Variants in SHQ1 observed in about 807,000 individuals in gnomAD.
SHQ1 encodes SHQ1, H/ACA ribonucleoprotein assembly factor, also known as protein SHQ1 homolog.
A neutral mutation model predicts 53.8 loss-of-function variants in SHQ1; 49 were observed. The observed-to-expected ratio is 0.91, with a 90% CI of 0.72 to 1.16. The LOEUF (loss-of-function observed/expected upper bound fraction) is 1.16, where lower values mean the gene tolerates loss of function less well. SHQ1 is among the 50% of genes most tolerant of loss of function. The probability of loss-of-function intolerance (pLI) is 0.00; values close to 1 mark genes in which losing one functional copy is unlikely to be tolerated. For synonymous variants in SHQ1, 243 were observed against 251.0 expected (o/e 0.97, Z 0.30); for missense variants, 738 against 683.1 (o/e 1.08, Z -0.90).
At chr3:72,814,173 C>T (rs1396786547) in intron 8 of SHQ1, among the ~76,000 whole-genome samples, 5 of 152,268 alleles carry the variant, frequency 3.3e-5, no homozygotes, top group African/African-American at 1.2e-4. Flanking sequence ...GAATTAGGAA[C>T]TTAAAAATCA....
At chr3:72,834,678 G>A (rs1038857268) in intron 4 of SHQ1, among the ~76,000 whole-genome samples, 3 of 152,160 alleles carry the variant, frequency 2.0e-5, no homozygotes, top group African/African-American at 7.2e-5. Context: ...ACTTTTTGGA[G>A]AATTAGAATA....
chr3:72,741,883 T>C, the SHQ1 span, among the ~76,000 whole-genome samples: 1 of 152,132 alleles, frequency 6.6e-6, no homozygotes, highest in Non-Finnish European at 1.5e-5. Flanking sequence ...GCATTTACAT[T>C]GTATTAGGTA....
intron 8 of SHQ1, chr3:72,814,510 A>G (rs1160724795): frequency 6.6e-6 from 1 of 152,196 alleles, no homozygotes; most frequent in African/African-American, 2.4e-5. Context: ...TTGGAGTAGT[A>G]AGATTCTATA....
chr3:72,726,411 G>A, the SHQ1 span, among the ~76,000 whole-genome samples: 1 of 152,096 alleles, frequency 6.6e-6, no homozygotes, highest in Non-Finnish European at 1.5e-5. Flanking sequence ...GATCAGCAAT[G>A]GCGTGATCTT....
At chr3:72,783,627 A>G (rs1184679796) in intron 10 of SHQ1, among the ~76,000 whole-genome samples, 3 of 152,140 alleles carry the variant, frequency 2.0e-5, no homozygotes, top group Non-Finnish European at 2.9e-5. Flanking sequence ...AGCTTTCTCT[A>G]TTTTTATCAA....
At chr3:72,799,897 C>T (rs1303777540) in intron 9 of SHQ1, among the ~76,000 whole-genome samples, 1 of 152,064 alleles carries the variant, frequency 6.6e-6, no homozygotes, top group Non-Finnish European at 1.5e-5. Flanking sequence ...TCAAATCAGG[C>T]ATTACTTTTT....
intron 1 of SHQ1, 89 bp from the exon 2 acceptor site, chr3:72,844,512 A>G (rs1049573307): frequency 2.8e-5 from 27 of 951,378 alleles, no homozygotes; most frequent in Non-Finnish European, 4.5e-5. Flanking sequence ...AACCATCAAA[A>G]TATATCAATC....
At chr3:72,830,738 C>G (rs1400338399) in intron 5 of SHQ1, among the ~76,000 whole-genome samples, 2 of 152,062 alleles carry the variant, frequency 1.3e-5, no homozygotes, top group Non-Finnish European at 2.9e-5. Flanking sequence ...TTAAACCATT[C>G]TTGTAAGAAC....
chr3:72,792,552 G>A (rs530228435), intron 10 of SHQ1, among the ~76,000 whole-genome samples: 2 of 152,144 alleles, frequency 1.3e-5, no homozygotes, highest in South Asian at 4.2e-4. Flanking sequence ...CTGGGAGGCC[G>A]AGGTGGGTGG....
chr3:72,794,311 A>G (rs1706533720), intron 9 of SHQ1: 4 of 152,210 alleles, frequency 2.6e-5, no homozygotes. Flanking sequence ...TTAACACTAG[A>G]AAGTAAGTTT....
rs147658472 is a variant in SHQ1, at chr3:72,828,650, G to A, written c.599+3719C>T. On this transcript the variant is annotated intron_variant, in intron 5 of 10. Transcript: ENST00000325599. Reference sequence around the variant, plus strand: ...GCAGAGGCTGTGGTGAGCCAAGATCGCACCACTGCACTCCAGCCTGGGCGA... The same window carrying A: ...GCAGAGGCTGTGGTGAGCCAAGATCACACCACTGCACTCCAGCCTGGGCGA... Among the ~76,000 whole-genome samples the A allele has an allele frequency of 7.2e-3, 1,092 of 152,132 alleles. 15 individuals carry two copies. The highest frequency in any genetic ancestry group is 0.024 in the African/African-American group (1,008 of 41,516).
chr3:72,810,234 G>C (rs147792376), intron 9 of SHQ1, among the ~76,000 whole-genome samples: 1 of 152,176 alleles, frequency 6.6e-6, no homozygotes, highest in Non-Finnish European at 1.5e-5. Context: ...GGCAAAGCAG[G>C]ATTTCCTGCC....
chr3:72,751,172 A>G (rs1705357330), intron 10 of SHQ1, among the ~76,000 whole-genome samples: 1 of 152,130 alleles, frequency 6.6e-6, no homozygotes, highest in Non-Finnish European at 1.5e-5. Flanking sequence ...GCACTTTGGG[A>G]GGCTGAGGCG....
chr3:72,822,875 C>T (rs954955791), intron 6 of SHQ1, among the ~76,000 whole-genome samples: 2 of 152,070 alleles, frequency 1.3e-5, no homozygotes, highest in Non-Finnish European at 2.9e-5. Context: ...ATAGGCCGGG[C>T]GCGGGAGCTC....
intron 10 of SHQ1, among the ~76,000 whole-genome samples, chr3:72,763,062 CAGAGAG>C (rs1298255006): frequency 9.0e-4 from 69 of 76,264 alleles, no homozygotes; most frequent in African/African-American, 2.6e-3. Context: ...CACACACACA[CAGAGAG>C]AGAGAGAGAG....
chr3:72,801,959 A>G (rs1448814088), intron 9 of SHQ1, among the ~76,000 whole-genome samples: 1 of 152,238 alleles, frequency 6.6e-6, no homozygotes, highest in Non-Finnish European at 1.5e-5. Flanking sequence ...CAATCCCAAC[A>G]GTTCCACTGT....
chr3:72,753,240 T>C (rs772588514), intron 10 of SHQ1: 61 of 985,286 alleles, frequency 6.2e-5, no homozygotes, highest in South Asian at 2.3e-4. Flanking sequence ...ATACAAAACA[T>C]TGAGTGGCTT....
At chr3:72,728,708 G>C in the SHQ1 span, among the ~76,000 whole-genome samples, 1 of 152,194 alleles carries the variant, frequency 6.6e-6, no homozygotes, top group Non-Finnish European at 1.5e-5. Flanking sequence ...GCCTCACCTG[G>C]AAAAGGGATG....
At chr3:72,726,564 C>G in the SHQ1 span, among the ~76,000 whole-genome samples, 1 of 152,114 alleles carries the variant, frequency 6.6e-6, no homozygotes, top group African/African-American at 2.4e-5. Context: ...GTTGGCCAGG[C>G]TGGTCTCGAA....
Sources: gnomAD v4.1 joint callset for allele counts (sites outside exome capture counted in the v4.1 genomes callset) on GRCh38, gnomAD v4.1.1 for gene constraint, MANE v1.5 for transcripts, NCBI Gene and HGNC (gene_info 2026-07-23, HGNC 2026-07-21) for gene names.